CYRIA: variants seen among roughly 807,000 people sequenced by gnomAD.
CYRIA encodes CYFIP related Rac1 interactor A, also known as CYFIP-related Rac1 interactor A.
In CYRIA, 15 loss-of-function variants were observed where a neutral mutation model predicts 43.9. The ratio of observed to expected loss-of-function variants is 0.34; its 90% CI spans 0.23 to 0.53. CYRIA has a LOEUF of 0.53. CYRIA is among the 20% of genes least tolerant of loss of function. CYRIA has a pLI of 0.94. For synonymous variants in CYRIA, 117 were observed against 136.0 expected (o/e 0.86, Z 0.97); for missense variants, 236 against 394.2 (o/e 0.60, Z 3.40).
chr2:16,638,947 ATAAT>A, intron 1 of CYRIA, among the ~76,000 whole-genome samples: 1 of 152,378 alleles, frequency 6.6e-6, no homozygotes, highest in East Asian at 1.9e-4. Context: ...ATAAAGTGAG[ATAAT>A]TAATAAATAA....
Position 16,610,897 on chromosome 2 carries a change from CATATATATATATATAT to C in CYRIA, c.-11+12951_-11+12966del, listed in dbSNP as rs60848949. Among the ~76,000 whole-genome samples the C allele has an allele frequency of 3.7e-4, 34 of 92,594 alleles. No homozygotes were observed. In the East Asian group the frequency reaches 3.9e-3, roughly 11 times the overall value. The allele number at this position is 92,594 out of a possible 152,430, so 60.7% of individuals were successfully genotyped here. On this transcript the variant is annotated intron_variant, in intron 2 of 11. Coordinates refer to ENST00000381323, the MANE Select transcript of CYRIA (RefSeq NM_030797.4). ...TAGGATTGACTTCTTTTAGTCCCAA[CATATATATATATATAT>C]ATATATATATATATATATATATATC...
chr2:16,637,342 G>A (rs1449883450), intron 1 of CYRIA, among the ~76,000 whole-genome samples: 1 of 152,136 alleles, frequency 6.6e-6, no homozygotes, highest in Admixed American at 6.5e-5. Context: ...GATTCTTTGG[G>A]AAGAATCAGG....
At chr2:16,649,859 C>T (rs1669926059) in intron 1 of CYRIA, among the ~76,000 whole-genome samples, 1 of 152,170 alleles carries the variant, frequency 6.6e-6, no homozygotes, top group African/African-American at 2.4e-5. Context: ...TGTACCACTT[C>T]CCCTCCCTGG....
chr2:16,646,571 T>G (rs1558441119), intron 1 of CYRIA, among the ~76,000 whole-genome samples: 2 of 152,204 alleles, frequency 1.3e-5, no homozygotes, highest in African/African-American at 4.8e-5. Context: ...TGTTGCGACT[T>G]GACATTTTCT....
chr2:16,628,397 C>T lies in CYRIA; in HGVS notation c.-166-4378G>A, dbSNP rs184065955. 9.5e-4 allele frequency among the ~76,000 whole-genome samples: 144 copies of T among 152,264 alleles called. 1 individual carries two copies. Among genetic ancestry groups the T allele is most frequent in the African/African-American group, 3.2e-3 (135 of 41,560 alleles). On this transcript the variant is annotated intron_variant, in intron 1 of 11. Coordinates refer to ENST00000381323, the MANE Select transcript of CYRIA (RefSeq NM_030797.4). ...GAGGCCCCTGATCTCACCTCAAAGC[C>T]GTGTGTGCTGTGAAATGGTTAAGTG...
intron 3 of CYRIA, among the ~76,000 whole-genome samples, chr2:16,576,113 T>C (rs1435027424): frequency 6.6e-6 from 1 of 152,148 alleles, no homozygotes; most frequent in African/African-American, 2.4e-5. Context: ...TAATACAGCC[T>C]ATTAAGTGCC....
chr2:16,650,853 A>C lies in CYRIA; in HGVS notation c.-167+14927T>G, dbSNP rs771912793. ...AGGACAGAGGCTCACAGGCTTTGACATGAGTGACTAATTCAATTTTTTGCT... is the reference window on the plus strand; with the variant it reads ...AGGACAGAGGCTCACAGGCTTTGACCTGAGTGACTAATTCAATTTTTTGCT... On this transcript the variant is annotated intron_variant, in intron 1 of 11. Coordinates refer to ENST00000381323, the MANE Select transcript of CYRIA (RefSeq NM_030797.4). This position sits in a 1 kb window ranked among gnomAD's most constrained non-coding sequence, Gnocchi z 4.1. 5.3e-5 allele frequency among the ~76,000 whole-genome samples: 8 copies of C among 152,244 alleles called. No individual in the cohort carries two copies. The highest frequency in any genetic ancestry group is 1.9e-4 in the African/African-American group (8 of 41,466).
rs544157176 is a variant in CYRIA at position 16,554,994 on chromosome 2, A to C, written c.908+75T>G. 22 of 1,174,172 alleles carry C rather than the reference A, an allele frequency of 1.9e-5. No homozygotes were observed. The South Asian group carries it at 2.9e-4, about 15-fold the overall frequency. The allele number at this position is 1,174,172 out of a possible 1,614,324, so 72.7% of individuals were successfully genotyped here. On this transcript the variant is annotated intron_variant, in intron 11 of 11. Transcript: ENST00000381323. ...GCAAGGGTTAAGTTTGGTGCTATCCACAACAGTATTTAAATTTGCAATGGC... is the reference window on the plus strand; with the variant it reads ...GCAAGGGTTAAGTTTGGTGCTATCCCCAACAGTATTTAAATTTGCAATGGC...
intron 3 of CYRIA, among the ~76,000 whole-genome samples, chr2:16,570,870 T>C (rs936290425): frequency 2.6e-5 from 4 of 152,198 alleles, no homozygotes; most frequent in African/African-American, 9.7e-5. Flanking sequence ...AAGAACCATA[T>C]TCTAAGCTTC....
intron 3 of CYRIA, among the ~76,000 whole-genome samples, chr2:16,569,140 T>C (rs1185703314): frequency 2.0e-5 from 3 of 152,190 alleles, no homozygotes; most frequent in African/African-American, 7.2e-5. Context: ...GACATTTATA[T>C]GACCACAGAG....
At chr2:16,605,229 C>T (rs915987089) in intron 2 of CYRIA, among the ~76,000 whole-genome samples, 1 of 152,104 alleles carries the variant, frequency 6.6e-6, no homozygotes, top group Non-Finnish European at 1.5e-5. Flanking sequence ...TAGACTATTA[C>T]CTCATCATAG....
intron 2 of CYRIA, among the ~76,000 whole-genome samples, chr2:16,590,059 G>GGCAT (rs1324963918): frequency 1.2e-4 from 17 of 140,716 alleles, no homozygotes; most frequent in Admixed American, 7.8e-4. Flanking sequence ...AATATATTTG[G>GGCAT]GCATGCATGC....
intron 1 of CYRIA, among the ~76,000 whole-genome samples, chr2:16,653,199 G>A (rs1381273250): frequency 6.6e-6 from 1 of 152,186 alleles, no homozygotes; most frequent in East Asian, 1.9e-4. Flanking sequence ...GGAGGGCCTT[G>A]AAATCACAGG....
At chr2:16,661,563 A>C (rs752945417) in intron 1 of CYRIA, among the ~76,000 whole-genome samples, 2 of 152,234 alleles carry the variant, frequency 1.3e-5, no homozygotes, top group African/African-American at 2.4e-5. Context: ...CACTTATAGA[A>C]ATAACATCCC....
intron 1 of CYRIA, among the ~76,000 whole-genome samples, chr2:16,655,036 G>A (rs1204503482): frequency 6.6e-6 from 1 of 152,186 alleles, no homozygotes; most frequent in Non-Finnish European, 1.5e-5. Context: ...AGCATGTAGT[G>A]TGAAAGGGAG....
At chr2:16,620,897 C>A (rs1286893765) in intron 2 of CYRIA, among the ~76,000 whole-genome samples, 1 of 152,150 alleles carries the variant, frequency 6.6e-6, no homozygotes, top group African/African-American at 2.4e-5. Flanking sequence ...TGCTTGGTTC[C>A]TGCCTGGCTA....
In CYRIA at chr2:16,613,343, C is replaced by CAG. The variant is rs1318998084; in HGVS notation, c.-11+10519_-11+10520dup. Among the ~76,000 whole-genome samples, 20 of 152,166 alleles carry CAG rather than the reference C, an allele frequency of 1.3e-4. No homozygotes were observed. The South Asian group carries it at 1.7e-3, about 13-fold the overall frequency. On this transcript the variant is annotated intron_variant, in intron 2 of 11. Transcript: ENST00000381323. ...TCCCTTTTCATAATGCATACCTGAG[C>CAG]AGACACAGAGGACCCTGACACTGAA...
chr2:16,649,056 G>A (rs1278513580), intron 1 of CYRIA, among the ~76,000 whole-genome samples: 1 of 151,538 alleles, frequency 6.6e-6, no homozygotes, highest in Non-Finnish European at 1.5e-5. Flanking sequence ...CGACCAGGTT[G>A]GAAAATACTC....
At chr2:16,609,561 G>T (rs1432008547) in intron 2 of CYRIA, among the ~76,000 whole-genome samples, 1 of 152,026 alleles carries the variant, frequency 6.6e-6, no homozygotes, top group East Asian at 1.9e-4. Context: ...ATTCATTCGG[G>T]ATTTATTTTT....
Sources: allele counts gnomAD v4.1 joint callset (sites outside exome capture counted in the v4.1 genomes callset), GRCh38; gene constraint gnomAD v4.1.1; non-coding constraint Gnocchi (gnomAD v3.1); transcripts MANE v1.5; gene names NCBI Gene and HGNC (gene_info 2026-07-23, HGNC 2026-07-21).